Variants in LRMDA observed in about 807,000 individuals in gnomAD.
LRMDA encodes leucine rich melanocyte differentiation associated, also known as leucine-rich melanocyte differentiation-associated protein.
A neutral mutation model predicts 29.8 loss-of-function variants in LRMDA; 18 were observed. The ratio of observed to expected loss-of-function variants is 0.60; its 90% CI spans 0.42 to 0.90. The LOEUF (loss-of-function observed/expected upper bound fraction) is 0.90, where lower values mean the gene tolerates loss of function less well. Among genes scored for constraint, LRMDA ranks in the 40% least tolerant of loss-of-function variants. LRMDA has a pLI of 0.00. For missense variants in LRMDA, 273 were observed against 273.9 expected (o/e 1.00, Z 0.02); for synonymous variants, 125 against 109.4 (o/e 1.14, Z -0.89).
At chr10:76,210,459 T>C (rs1190022070) in intron 5 of LRMDA, among the ~76,000 whole-genome samples, 1 of 152,234 alleles carries the variant, frequency 6.6e-6, no homozygotes, top group Non-Finnish European at 1.5e-5. Flanking sequence ...TGACTCATCC[T>C]CTGAGTGTAC....
At chr10:76,483,831 G>C (rs1406625788) in intron 6 of LRMDA, among the ~76,000 whole-genome samples, 1 of 151,596 alleles carries the variant, frequency 6.6e-6, no homozygotes, top group African/African-American at 2.4e-5. Context: ...TGTGAACTGG[G>C]TGCAAGATTC....
rs538606579 is a variant in LRMDA, at chr10:76,261,263, G to A, written c.517-63138G>A. On this transcript the variant is annotated intron_variant, in intron 5 of 6. Coordinates refer to ENST00000611255, the MANE Select transcript of LRMDA (RefSeq NM_001305581.2). The stretch of plus-strand genomic sequence containing the variant: ...TTTTTCTGTATTTTTTAGTAGAGAC[G>A]GGGTTTCACCATATTAGCCAGAATG... 4.6e-5 allele frequency among the ~76,000 whole-genome samples: 7 copies of A among 151,546 alleles called. No individual in the cohort carries two copies. The South Asian group carries it at 8.3e-4, about 18-fold the overall frequency.
chr10:75,826,715 C>G (rs1844252531), intron 2 of LRMDA, among the ~76,000 whole-genome samples: 1 of 152,138 alleles, frequency 6.6e-6, no homozygotes, highest in African/African-American at 2.4e-5. Context: ...AGAGGCCGAT[C>G]CTTGCAAAAG....
At chr10:75,648,574 T>C (rs1166543702) in intron 2 of LRMDA, among the ~76,000 whole-genome samples, 1 of 152,080 alleles carries the variant, frequency 6.6e-6, no homozygotes, top group African/African-American at 2.4e-5. Context: ...TGAGCAGAAA[T>C]ACAGTCTCAT....
intron 2 of LRMDA, among the ~76,000 whole-genome samples, chr10:75,758,844 C>T (rs1589190362): frequency 6.6e-6 from 1 of 152,116 alleles, no homozygotes; most frequent in East Asian, 1.9e-4. Context: ...AAACAGCATC[C>T]TCTGGTTATT....
At chr10:75,535,684 TA>T (rs1461410799) in intron 2 of LRMDA, among the ~76,000 whole-genome samples, 3 of 151,506 alleles carry the variant, frequency 2.0e-5, no homozygotes, top group African/African-American at 4.9e-5. Context: ...AATAAAACCT[TA>T]AAAAAAAATT....
chr10:76,116,912 C>A (rs959188736), intron 5 of LRMDA, among the ~76,000 whole-genome samples: 7 of 152,106 alleles, frequency 4.6e-5, no homozygotes, highest in African/African-American at 7.2e-5. Context: ...TTCATCTCAG[C>A]CATTTTCCAG....
At chr10:75,768,851 A>G (rs1363215318) in intron 2 of LRMDA, among the ~76,000 whole-genome samples, 1 of 152,244 alleles carries the variant, frequency 6.6e-6, no homozygotes, top group Non-Finnish European at 1.5e-5. Flanking sequence ...GGTGCAAAGT[A>G]AAAATGCTTT....
At chr10:76,024,654 C>T (rs1848031556) in intron 2 of LRMDA, among the ~76,000 whole-genome samples, 1 of 152,204 alleles carries the variant, frequency 6.6e-6, no homozygotes, top group Non-Finnish European at 1.5e-5. Context: ...CCAGGGGGGC[C>T]CTGCCCGTGG....
intron 2 of LRMDA, among the ~76,000 whole-genome samples, chr10:75,872,298 C>T (rs1488253415): frequency 1.3e-5 from 2 of 151,036 alleles, no homozygotes; most frequent in Admixed American, 6.6e-5. Context: ...CTCTCTCTCT[C>T]TCTTTTTTTT....
rs78974132 is a variant in LRMDA, at chr10:76,023,072, CT to C, written c.132-12923del. Among the ~76,000 whole-genome samples, 221 of 143,084 alleles carry C rather than the reference CT, an allele frequency of 1.5e-3. 1 individual carries two copies. The highest frequency in any genetic ancestry group is 3.6e-3 in the Middle Eastern group (1 of 280). The allele number at this position is 143,084 out of a possible 152,430, so 93.9% of individuals were successfully genotyped here. On this transcript the variant is annotated intron_variant, in intron 2 of 6. Transcript: ENST00000611255. ...ACTGTCTTCTTCCTTCTGCCATCTT[CT>C]TTTTTTTTTTTTAAGAATTAATTTT...
intron 2 of LRMDA, among the ~76,000 whole-genome samples, chr10:75,858,704 T>C (rs188112295): frequency 6.6e-6 from 1 of 152,348 alleles, no homozygotes; most frequent in Admixed American, 6.5e-5. Context: ...GAAAATACTA[T>C]GAACTCTTAA....
intron 5 of LRMDA, among the ~76,000 whole-genome samples, chr10:76,160,577 G>A (rs1850627291): frequency 6.6e-6 from 1 of 152,110 alleles, no homozygotes; most frequent in Non-Finnish European, 1.5e-5. Context: ...TTAGCTGTGT[G>A]TTGATTTATA....
At chr10:75,655,875 CCCTTCA>C (rs1424871428) in intron 2 of LRMDA, among the ~76,000 whole-genome samples, 15 of 152,026 alleles carry the variant, frequency 9.9e-5, no homozygotes, top group Admixed American at 6.6e-4. Flanking sequence ...GAGCCTGGGC[CCCTTCA>C]CCTGCACATC....
intron 2 of LRMDA, among the ~76,000 whole-genome samples, chr10:75,635,464 T>C (rs1338789262): frequency 6.6e-6 from 1 of 152,122 alleles, no homozygotes; most frequent in African/African-American, 2.4e-5. Context: ...TTTCAGTTTT[T>C]GGAGAAATTT....
chr10:75,489,478 T>C (rs1844957784), intron 2 of LRMDA, among the ~76,000 whole-genome samples: 1 of 152,212 alleles, frequency 6.6e-6, no homozygotes, highest in Admixed American at 6.5e-5. Flanking sequence ...TTCAACTTGT[T>C]TATTTGGGAT....
At chr10:76,379,045 T>C (rs779728813) in intron 6 of LRMDA, among the ~76,000 whole-genome samples, 1 of 151,858 alleles carries the variant, frequency 6.6e-6, no homozygotes, top group South Asian at 2.1e-4. Flanking sequence ...TTAGTAGAGA[T>C]TGGGTTTCAC....
intron 5 of LRMDA, among the ~76,000 whole-genome samples, chr10:76,199,548 C>T (rs76172731): frequency 0.017 from 2,570 of 152,242 alleles, 40 homozygotes; most frequent in South Asian, 0.078. Flanking sequence ...GTATGTGCTA[C>T]GTGGAGACCA....
chr10:75,773,726 C>T (rs1252515404), intron 2 of LRMDA, among the ~76,000 whole-genome samples: 1 of 152,144 alleles, frequency 6.6e-6, no homozygotes, highest in Non-Finnish European at 1.5e-5. Context: ...TTCCCTCTGG[C>T]CTTCTTTATA....
Sources: gnomAD v4.1 joint callset for allele counts (sites outside exome capture counted in the v4.1 genomes callset) on GRCh38, gnomAD v4.1.1 for gene constraint, MANE v1.5 for transcripts, NCBI Gene and HGNC (gene_info 2026-07-23, HGNC 2026-07-21) for gene names.